SRCAP: variants seen among roughly 807,000 people sequenced by gnomAD.
SRCAP encodes the protein chromatin remodeling protein SRCAP.
SRCAP carries 46 observed loss-of-function variants against 263.1 expected under a neutral mutation model. The observed-to-expected ratio is 0.17, with a 90% confidence interval of 0.14 to 0.22. The LOEUF is 0.22. Among genes scored for constraint, SRCAP ranks in the 10% least tolerant of loss-of-function variants. The pLI, the probability that SRCAP is intolerant of heterozygous loss-of-function variation, is 1.00. For synonymous variants in SRCAP, 1,813 were observed against 1,662.1 expected, an observed-to-expected ratio of 1.09 and a Z score of -2.21; for missense variants, 3,695 against 4,181.9, an observed-to-expected ratio of 0.88 and a Z score of 3.21.
At chr16:30,713,408 G>A (rs763051187) in intron 15 of SRCAP, 31 bp downstream of exon 15, 1 of 1,613,636 alleles carries the variant, frequency 6.2e-7, no homozygotes, top group South Asian at 1.1e-5. Context: ...TCATGGGAGG[G>A]TTGACTTGGC....
In SRCAP at chr16:30,721,388, G is replaced by A. The variant is rs752652939; in HGVS notation, c.3453G>A (p.Thr1151=). Residue 1151 remains threonine, a synonymous_variant, in exon 21 of 34, where the codon ACG becomes ACA. Coordinates refer to ENST00000262518, the MANE Select transcript of SRCAP (RefSeq NM_006662.3). ...PAAATTTSTT[T]ATATTTAVPA... ...CTGCCACCACCACTTCTACCACCAC[G>A]GCAACTGCTACCACCACAGCAGTGC... 3.0e-5 allele frequency: 49 copies of A among 1,613,864 alleles called. No individual in the cohort carries two copies. Among genetic ancestry groups the A allele is most frequent in the East Asian group, 2.2e-4 (10 of 44,882 alleles).
intron 19 of SRCAP, 101 bp downstream of exon 19, chr16:30,720,432 G>A: frequency 7.2e-7 from 1 of 1,387,966 alleles, no homozygotes; most frequent in East Asian, 2.3e-5. Flanking sequence ...TGCAAGGCTG[G>A]AATATTTATA....
chr16:30,724,616 C>G lies in SRCAP; in HGVS notation c.5192C>G (p.Thr1731Arg), dbSNP rs565711967. ...ASSLVPTPAQ[T>R]LSLAPGPPLG... Reference sequence around the variant, plus strand: ...TCCCTGGTACCAACTCCAGCCCAGACACTGTCTTTGGCACCAGGACCACCA... The same window carrying G: ...TCCCTGGTACCAACTCCAGCCCAGAGACTGTCTTTGGCACCAGGACCACCA... The change falls in exon 25 of 34, where the codon ACA (threonine) becomes AGA (arginine). Residue 1731 changes from threonine (T) to arginine (R), a missense_variant. Physicochemically the swap from Thr to Arg is moderately conservative, Grantham distance 71. Coordinates refer to ENST00000262518, the MANE Select transcript of SRCAP (RefSeq NM_006662.3). 38 of 1,614,210 alleles carry G rather than the reference C, an allele frequency of 2.4e-5. 1 individual carries two copies. In the South Asian group the frequency reaches 4.0e-4, roughly 17 times the overall value.
In SRCAP at chr16:30,716,423, A is replaced by C. The variant is rs749504354; in HGVS notation, c.2761A>C (p.Ile921Leu). The change falls in exon 18 of 34, where the codon ATC (isoleucine) becomes CTC (leucine). Residue 921 changes from isoleucine to leucine, a missense_variant. Around this residue, in one of 12 missense-constraint regions of SRCAP, gnomAD observed 147 missense variants for 212.7 expected, o/e 0.69. Coordinates refer to ENST00000262518, the MANE Select transcript of SRCAP (RefSeq NM_006662.3). ...TACCTCCCCTTTCATCACCCCAGGC[A>C]TCTGCTTCAGCACCGCCTCTCTGGT... ...PVTSPFITPG[I>L]CFSTASLVLR... is the part of the protein sequence containing the mutation. 6.2e-7 allele frequency: 1 copy of C among 1,614,200 alleles called. No homozygotes were observed. The highest frequency in any genetic ancestry group is 1.1e-5 in the South Asian group (1 of 91,080).
intron 2 of SRCAP, among the ~76,000 whole-genome samples, chr16:30,700,339 C>T (rs2052752008): frequency 6.6e-6 from 1 of 152,166 alleles, no homozygotes; most frequent in South Asian, 2.1e-4. Context: ...ACATTTAGGT[C>T]GGGAATCCTT....
At position 30,733,559 on chromosome 16, in the gene SRCAP, G is replaced by T. The variant is rs774721433; in HGVS notation, c.6298-43G>T. The T allele has an allele frequency of 6.2e-7, 1 of 1,603,240 alleles. No individual in the cohort carries two copies. The highest frequency in any genetic ancestry group is 1.1e-5 in the South Asian group (1 of 89,938). On this transcript the variant is annotated intron_variant, in intron 28 of 33. Coordinates refer to ENST00000262518, the MANE Select transcript of SRCAP (RefSeq NM_006662.3). This position sits in a 1 kb window ranked among gnomAD's most constrained non-coding sequence, Gnocchi z 5.3. ...ACTAAGCCTTTAGACCTGTTTTGGG[G>T]GATAAGTCTCCCAGTATCATCTTTT...
At chr16:30,736,981 T>C in intron 33 of SRCAP, 68 bp from the exon 34 acceptor site, 26 of 1,498,642 alleles carry the variant, frequency 1.7e-5, no homozygotes, top group Non-Finnish European at 2.2e-5. Context: ...ACCTGGAAGC[T>C]GCTAATTTCT....
In SRCAP at chr16:30,723,799, A is replaced by C. The variant is rs1198863848; in HGVS notation, c.4375A>C (p.Ile1459Leu). 1.9e-6 allele frequency: 3 copies of C among 1,612,650 alleles called. No individual in the cohort carries two copies. The highest frequency in any genetic ancestry group is 2.5e-6 in the Non-Finnish European group (3 of 1,179,680). Residue 1459 changes from isoleucine to leucine, a missense_variant, in exon 25 of 34, where the codon ATC (isoleucine) becomes CTC (leucine). Physicochemically the swap from Ile to Leu is conservative, Grantham distance 5. Transcript: ENST00000262518. ...AGCCTCGGCTCCACTCACCATCCCC[A>C]TCTCAGCCCCCTTGACTGTTTCTGC... ...APASAPLTIP[I>L]SAPLTVSASG...
In SRCAP at chr16:30,718,900, C is replaced by CT. The variant is rs769660970; in HGVS notation, c.2818-1248dup. Among the ~76,000 whole-genome samples, 461 of 143,218 alleles carry CT rather than the reference C, an allele frequency of 3.2e-3. 3 individuals are homozygous for CT. The highest frequency in any genetic ancestry group is 7.1e-3 in the African/African-American group (279 of 39,418). The allele number at this position is 143,218 out of a possible 152,430, so 94.0% of individuals were successfully genotyped here. A position where few individuals can be genotyped will look rare whatever the true frequency, so the allele number is the denominator to read the frequency against. On this transcript the variant is annotated intron_variant, in intron 18 of 33. Coordinates refer to ENST00000262518, the MANE Select transcript of SRCAP (RefSeq NM_006662.3). ...ACACTGCATTGTGTTGTTATTACTACTTTTTTTTTTTTTTGATACAGAGTC... is the reference window on the plus strand; with the variant it reads ...ACACTGCATTGTGTTGTTATTACTACTTTTTTTTTTTTTTTGATACAGAGTC...
In SRCAP at chr16:30,723,091, G is replaced by T; in HGVS notation, c.4021G>T (p.Val1341Leu). The T allele has an allele frequency of 6.2e-7, 1 of 1,614,056 alleles. No homozygotes were observed. The highest frequency in any genetic ancestry group is 8.5e-7 in the Non-Finnish European group (1 of 1,180,012). Reference protein sequence around the residue: ...PRPPSSGLPAVLNPRPTLTPG... With the variant: ...PRPPSSGLPALLNPRPTLTPG... ...GCCTCCGAGCTCTGGGCTTCCAGCT[G>T]TGTTGAATCCACGCCCCACGTTAAC... The change falls in exon 24 of 34, where the codon GTG (valine) becomes TTG (leucine). Residue 1341 changes from valine to leucine, a missense_variant. Physicochemically the swap from Val to Leu is conservative, Grantham distance 32. Around this residue, in one of 12 missense-constraint regions of SRCAP, gnomAD observed 1,347 missense variants for 1,304.4 expected, o/e 1.03. Transcript: ENST00000262518.
At chr16:30,710,941 CTG>C in intron 9 of SRCAP, 56 bp from the exon 10 acceptor site, 1 of 1,594,700 alleles carries the variant, frequency 6.3e-7, no homozygotes, top group Non-Finnish European at 8.6e-7. Flanking sequence ...TTCATTTGGA[CTG>C]TGTCCTGTGC....
chr16:30,704,373 G>A (rs2052803134), intron 4 of SRCAP, 58 bp downstream of exon 4: 22 of 1,514,862 alleles, frequency 1.5e-5, no homozygotes, highest in Non-Finnish European at 1.7e-5. Context: ...AAACTCCCAC[G>A]TCCTCTTGAG....
At chr16:30,720,353 G>T in intron 19 of SRCAP, 22 bp downstream of exon 19, 2 of 1,597,056 alleles carry the variant, frequency 1.3e-6, no homozygotes, top group Non-Finnish European at 1.7e-6. Context: ...AAGGAATGAG[G>T]GGATGGTTCC....
intron 22 of SRCAP, 103 bp from the exon 23 acceptor site, chr16:30,722,460 G>C: frequency 6.6e-7 from 1 of 1,517,152 alleles, no homozygotes; most frequent in Non-Finnish European, 9.0e-7. Flanking sequence ...TCATTCTAGA[G>C]AATGTATTCC....
At position 30,738,759 on chromosome 16, in the gene SRCAP, G is replaced by C; in HGVS notation, c.8719G>C (p.Val2907Leu). 6.2e-7 allele frequency: 1 copy of C among 1,614,046 alleles called. No individual in the cohort carries two copies. Among genetic ancestry groups the C allele is most frequent in the East Asian group, 2.2e-5 (1 of 44,870 alleles). ...TGAGACCCTAATTGTTGCAGATCCT[G>C]TCCTGGAACCACAGCTTATTCCTGG... ...GPETLIVADP[V>L]LEPQLIPGPQ... Residue 2907 changes from valine (V) to leucine (L), a missense_variant, in exon 34 of 34, where the codon GTC (valine) becomes CTC (leucine). This residue lies in a region of SRCAP where 1,207 missense variants were observed against 1,142.9 expected (regional missense o/e 1.06). Transcript: ENST00000262518.
Position 30,738,488 on chromosome 16 carries a change from A to G in SRCAP, c.8448A>G (p.Ser2816=). The change falls in exon 34 of 34, where the codon TCA becomes TCG. Residue 2816 remains serine (S), a synonymous_variant. Coordinates refer to ENST00000262518, the MANE Select transcript of SRCAP (RefSeq NM_006662.3). Reference sequence around the variant, plus strand: ...CCTGTGAAGCTGCTCCTTCATCCTCACTGCCCACTCCACCCCAGCAGCCCT... The same window carrying G: ...CCTGTGAAGCTGCTCCTTCATCCTCGCTGCCCACTCCACCCCAGCAGCCCT... ...GGPCEAAPSS[S]LPTPPQQPFI... 2.5e-6 allele frequency: 4 copies of G among 1,602,412 alleles called. No individual in the cohort carries two copies. The highest frequency in any genetic ancestry group is 2.6e-6 in the Non-Finnish European group (3 of 1,174,190).
chr16:30,738,791 G>A lies in SRCAP; in HGVS notation c.8751G>A (p.Gln2917=). 1 of 1,613,790 alleles carries A rather than the reference G, an allele frequency of 6.2e-7. No individual in the cohort carries two copies. The highest frequency in any genetic ancestry group is 8.5e-7 in the Non-Finnish European group (1 of 1,179,852). Residue 2917 remains glutamine (Q), a synonymous_variant, in exon 34 of 34, where the codon CAG becomes CAA. Transcript: ENST00000262518. ...AACCACAGCTTATTCCTGGGCCCCA[G>A]CCTCTTGGACCCCAGCCAGTTCACA... is the stretch of plus-strand genomic sequence containing the variant. ...VLEPQLIPGP[Q]PLGPQPVHRP...
Position 30,724,760 on chromosome 16 carries a change from T to C in SRCAP, c.5336T>C (p.Leu1779Pro). 1 of 1,613,810 alleles carries C rather than the reference T, an allele frequency of 6.2e-7. No homozygotes were observed. Among genetic ancestry groups the C allele is most frequent in the Non-Finnish European group, 8.5e-7 (1 of 1,179,864 alleles). ...TLAPASSSAS[L>P]LAPASVQTLT... is the part of the protein sequence containing the mutation. ...GCTCCAGCATCGTCATCTGCTTCAC[T>C]CCTGGCCCCAGCTTCAGTGCAGACA... Residue 1779 changes from leucine to proline, a missense_variant, in exon 25 of 34, where the codon CTC becomes CCC. Physicochemically the swap from Leu to Pro is moderately conservative, Grantham distance 98. Around this residue, in one of 12 missense-constraint regions of SRCAP, gnomAD observed 1,347 missense variants for 1,304.4 expected, o/e 1.03. Coordinates refer to ENST00000262518, the MANE Select transcript of SRCAP (RefSeq NM_006662.3).
rs754522419 is a variant in SRCAP, at chr16:30,729,381, T to C, written c.5936T>C (p.Val1979Ala). The C allele has an allele frequency of 6.2e-7, 1 of 1,614,140 alleles. No homozygotes were observed. The highest frequency in any genetic ancestry group is 8.5e-7 in the Non-Finnish European group (1 of 1,180,004). ...LSEIIERFIF[V>A]MPPVEAPPPS... is the part of the protein sequence containing the mutation. The stretch of plus-strand genomic sequence containing the variant: ...TCTTCCTTTCACAGGTTCATCTTTG[T>C]CATGCCTCCTGTGGAGGCACCTCCC... Residue 1979 changes from valine to alanine, a missense_variant, in exon 27 of 34, where the codon GTC (valine) becomes GCC (alanine). Physicochemically the swap from Val to Ala is moderately conservative, Grantham distance 64. Coordinates refer to ENST00000262518, the MANE Select transcript of SRCAP (RefSeq NM_006662.3).
Sources: allele counts gnomAD v4.1 joint callset (sites outside exome capture counted in the v4.1 genomes callset), GRCh38; gene constraint gnomAD v4.1.1; regional missense constraint gnomAD v4.1.1; non-coding constraint Gnocchi (gnomAD v3.1); transcripts MANE v1.5; gene names NCBI Gene and HGNC (gene_info 2026-07-23, HGNC 2026-07-21).